Variants in PDZRN3 observed in about 807,000 individuals in gnomAD.
PDZRN3 encodes the protein PDZ domain containing ring finger 3.
In PDZRN3, 38 loss-of-function variants were observed where a neutral mutation model predicts 85.7. The observed-to-expected ratio is 0.44, with a 90% CI of 0.34 to 0.58. The LOEUF (loss-of-function observed/expected upper bound fraction) is 0.58, where lower values mean the gene tolerates loss of function less well. Ranked by LOEUF, PDZRN3 falls within the 20% of genes least tolerant of loss-of-function variation. The pLI is 0.01. For missense variants in PDZRN3, 1,629 were observed against 1,506.4 expected, an observed-to-expected ratio of 1.08 and a Z score of -1.35; for synonymous variants, 759 against 638.0, an observed-to-expected ratio of 1.19 and a Z score of -2.86.
intron 3 of PDZRN3, among the ~76,000 whole-genome samples, chr3:73,433,033 A>G (rs1262899885): frequency 6.6e-6 from 1 of 152,218 alleles, no homozygotes; most frequent in East Asian, 1.9e-4. Context: ...GTTGCTCACA[A>G]TGACTCAGAA....
chr3:73,486,740 A>G (rs1703670154), intron 3 of PDZRN3, among the ~76,000 whole-genome samples: 1 of 152,188 alleles, frequency 6.6e-6, no homozygotes, highest in African/African-American at 2.4e-5. Context: ...GAGCTGGAAG[A>G]TATTTTGTTT....
Position 73,408,369 on chromosome 3 carries a change from T to G in PDZRN3, c.919-3974A>C. ...TAATAAGAATTTACTAAGACTCCAGTGCTCGTGGGGATCCTGTAGTAGAAG... is the reference window on the plus strand; with the variant it reads ...TAATAAGAATTTACTAAGACTCCAGGGCTCGTGGGGATCCTGTAGTAGAAG... On this transcript the variant is annotated intron_variant, in intron 3 of 9. Coordinates refer to ENST00000263666, the MANE Select transcript of PDZRN3 (RefSeq NM_015009.3). The G allele has an allele frequency of 8.3e-6, 5 of 605,958 alleles. 1 individual carries two copies. In the South Asian group the frequency reaches 1.0e-4, roughly 12 times the overall value. 37.5% of individuals were successfully genotyped at this position (605,958 alleles called of 1,614,324 possible).
chr3:73,427,267 G>A (rs569425531), intron 3 of PDZRN3, among the ~76,000 whole-genome samples: 5 of 152,176 alleles, frequency 3.3e-5, no homozygotes, highest in African/African-American at 7.2e-5. Context: ...ACGTTATGAC[G>A]CCTGTCACAT....
intron 2 of PDZRN3, among the ~76,000 whole-genome samples, chr3:73,605,690 T>C (rs543775726): frequency 7.2e-5 from 11 of 152,364 alleles, no homozygotes; most frequent in African/African-American, 2.6e-4. Flanking sequence ...CTTTTTAGCA[T>C]GTACTCAATG....
intron 5 of PDZRN3, among the ~76,000 whole-genome samples, chr3:73,391,608 G>C (rs990974009): frequency 6.6e-6 from 1 of 152,230 alleles, no homozygotes; most frequent in Non-Finnish European, 1.5e-5. Context: ...GTGATAGCGT[G>C]CAATTAATGT....
At chr3:73,479,327 T>C (rs1355855728) in intron 3 of PDZRN3, among the ~76,000 whole-genome samples, 3 of 152,040 alleles carry the variant, frequency 2.0e-5, no homozygotes, top group African/African-American at 7.3e-5. Flanking sequence ...TAGCAGAATA[T>C]GACCACAAGG....
At chr3:73,476,348 C>G (rs942901689) in intron 3 of PDZRN3, among the ~76,000 whole-genome samples, 5 of 152,092 alleles carry the variant, frequency 3.3e-5, no homozygotes, top group Admixed American at 2.6e-4. Context: ...GGGAAAAGTG[C>G]TACACACTTT....
intron 1 of PDZRN3, among the ~76,000 whole-genome samples, chr3:73,620,142 T>C (rs1376901578): frequency 6.6e-6 from 1 of 152,160 alleles, no homozygotes; most frequent in Non-Finnish European, 1.5e-5. Context: ...TTCCAAAATG[T>C]TGGCAGTGCT....
At chr3:73,517,249 T>A (rs953045628) in intron 3 of PDZRN3, among the ~76,000 whole-genome samples, 2 of 152,244 alleles carry the variant, frequency 1.3e-5, no homozygotes, top group African/African-American at 4.8e-5. Context: ...ATAATTTATA[T>A]GTGTGACTAA....
rs186850518 is a variant in PDZRN3 at position 73,542,701 on chromosome 3, G to C, written c.918+59653C>G. On this transcript the variant is annotated intron_variant, in intron 3 of 9. Transcript: ENST00000263666. ...AGGCAGGAGAATTGCTTGAACCCGGGAGGTGGAGGTTGCAGTGAGCCAAGA... is the reference window on the plus strand; with the variant it reads ...AGGCAGGAGAATTGCTTGAACCCGGCAGGTGGAGGTTGCAGTGAGCCAAGA... 1.9e-3 allele frequency among the ~76,000 whole-genome samples: 284 copies of C among 152,186 alleles called. 5 individuals carry two copies. The highest frequency in any genetic ancestry group is 6.5e-3 in the African/African-American group (268 of 41,516).
intron 3 of PDZRN3, among the ~76,000 whole-genome samples, chr3:73,452,874 T>TGTGTGTGTGTGTGTGTGTGTGTG (rs71126871): frequency 5.9e-5 from 9 of 151,520 alleles, no homozygotes; most frequent in African/African-American, 1.2e-4. Context: ...TGTGTGTGTG[T>TGTGTGTGTGTGTGTGTGTGTGTG]TTTAAGTCCA....
At chr3:73,547,779 C>G (rs1315317153) in intron 3 of PDZRN3, among the ~76,000 whole-genome samples, 1 of 152,188 alleles carries the variant, frequency 6.6e-6, no homozygotes, top group Admixed American at 6.5e-5. Flanking sequence ...ACTGCAGACT[C>G]AGACCAGAGA....
intron 3 of PDZRN3, among the ~76,000 whole-genome samples, chr3:73,500,787 T>C (rs1049490066): frequency 1.3e-5 from 2 of 152,202 alleles, no homozygotes; most frequent in African/African-American, 2.4e-5. Context: ...CAATGCCTTC[T>C]AAAGAAACCT....
At chr3:73,537,412 A>G (rs1177074921) in intron 3 of PDZRN3, among the ~76,000 whole-genome samples, 5 of 152,170 alleles carry the variant, frequency 3.3e-5, no homozygotes, top group Admixed American at 6.6e-5. Flanking sequence ...ACCTACTCTA[A>G]TAAGGGTGAA....
intron 3 of PDZRN3, among the ~76,000 whole-genome samples, chr3:73,456,538 A>G (rs556953147): frequency 2.6e-5 from 4 of 152,362 alleles, no homozygotes; most frequent in South Asian, 2.1e-4. Flanking sequence ...CCTGCTTAAC[A>G]TTTTAAATAG....
intron 3 of PDZRN3, among the ~76,000 whole-genome samples, chr3:73,596,159 G>T (rs535429509): frequency 6.6e-6 from 1 of 152,068 alleles, no homozygotes; most frequent in East Asian, 1.9e-4. Context: ...GAGCTCCATT[G>T]GGCCAAAACT....
intron 3 of PDZRN3, among the ~76,000 whole-genome samples, chr3:73,503,809 G>C (rs6419780): frequency 1 from 152,271 of 152,332 alleles, 76,105 homozygotes; most frequent in Middle Eastern, 1. Flanking sequence ...ATTAAACCTA[G>C]AATTAAGGCT....
chr3:73,623,016 T>A (rs552451019), intron 1 of PDZRN3, among the ~76,000 whole-genome samples: 23 of 152,226 alleles, frequency 1.5e-4, no homozygotes, highest in African/African-American at 4.8e-4. Context: ...AGTTTTTTCA[T>A]CTACTAAGTG....
intron 3 of PDZRN3, among the ~76,000 whole-genome samples, chr3:73,461,202 T>C (rs952314059): frequency 2.6e-5 from 4 of 152,240 alleles, no homozygotes; most frequent in African/African-American, 4.8e-5. Context: ...TAGGAAGTGG[T>C]TGAAAATCTA....
Sources: gnomAD v4.1 joint callset for allele counts (sites outside exome capture counted in the v4.1 genomes callset) on GRCh38, gnomAD v4.1.1 for gene constraint, MANE v1.5 for transcripts, NCBI Gene and HGNC (gene_info 2026-07-23, HGNC 2026-07-21) for gene names.